The following FTCDNL1 variants were observed in gnomAD, a reference collection of about 807,000 sequenced individuals.
The protein encoded by FTCDNL1 is formiminotransferase N-terminal subdomain-containing protein.
A neutral mutation model predicts 5.9 loss-of-function variants in FTCDNL1; 11 were observed. The ratio of observed to expected loss-of-function variants is 1.87; its 90% confidence interval spans 1.18 to 3.10. The LOEUF is 3.10. FTCDNL1 is among the 30% of genes most tolerant of loss of function. FTCDNL1 has a pLI of 0.00. For missense variants in FTCDNL1, 115 were observed against 65.5 expected (o/e 1.76, Z -2.61); for synonymous variants, 58 against 24.8 (o/e 2.34, Z -3.99).
chr2:199,701,569 C>T, the FTCDNL1 span, among the ~76,000 whole-genome samples: 2 of 152,094 alleles, frequency 1.3e-5, no homozygotes, highest in South Asian at 4.2e-4. Context: ...AGATGTCCAT[C>T]AATGGTGGAC....
the FTCDNL1 span, among the ~76,000 whole-genome samples, chr2:199,715,117 CA>C: frequency 6.6e-6 from 1 of 151,556 alleles, no homozygotes; most frequent in Admixed American, 6.6e-5. Context: ...AATTAAAAAA[CA>C]AAAAAAAGCT....
chr2:199,756,919 C>T (rs1698092583), downstream of FTCDNL1, among the ~76,000 whole-genome samples: 1 of 152,158 alleles, frequency 6.6e-6, no homozygotes. Flanking sequence ...AGCTGGCTCT[C>T]AAAGCTACTG....
chr2:199,797,738 T>C (rs554760746), intron 3 of FTCDNL1, among the ~76,000 whole-genome samples: 1 of 152,328 alleles, frequency 6.6e-6, no homozygotes, highest in African/African-American at 2.4e-5. Flanking sequence ...AGCCTGGAAT[T>C]GTTTGCACAG....
chr2:199,823,859 T>C (rs992077945), intron 3 of FTCDNL1, among the ~76,000 whole-genome samples: 2 of 152,200 alleles, frequency 1.3e-5, no homozygotes, highest in Non-Finnish European at 2.9e-5. Context: ...AGAATCAGCC[T>C]GTTCTTTGAA....
the FTCDNL1 span, among the ~76,000 whole-genome samples, chr2:199,755,395 G>A: frequency 2.0e-5 from 3 of 152,216 alleles, no homozygotes; most frequent in African/African-American, 7.2e-5. Context: ...TTCTTGTGGA[G>A]AAGACATGAA....
downstream of FTCDNL1, among the ~76,000 whole-genome samples, chr2:199,756,636 A>G (rs1698082465): frequency 6.6e-6 from 1 of 152,212 alleles, no homozygotes; most frequent in African/African-American, 2.4e-5. Context: ...TGTAGTCTCA[A>G]TATGTTGATT....
the FTCDNL1 span, among the ~76,000 whole-genome samples, chr2:199,749,539 C>T: frequency 3.7e-5 from 2 of 54,198 alleles, no homozygotes; most frequent in Non-Finnish European, 1.5e-4. Context: ...TCTCCATCTC[C>T]CCCTAAAAAA....
At chr2:199,754,916 C>T in the FTCDNL1 span, among the ~76,000 whole-genome samples, 5 of 152,148 alleles carry the variant, frequency 3.3e-5, no homozygotes, top group African/African-American at 9.7e-5. Context: ...ACACTTTTAG[C>T]GGTAGAAAAT....
intron 3 of FTCDNL1, chr2:199,844,385 G>C: frequency 1.8e-6 from 1 of 559,654 alleles, no homozygotes; most frequent in Non-Finnish European, 3.3e-6. Context: ...CTTACTTCTG[G>C]CCACCACTCC....
At chr2:199,712,208 CA>C in the FTCDNL1 span, among the ~76,000 whole-genome samples, 1 of 152,048 alleles carries the variant, frequency 6.6e-6, no homozygotes, top group Non-Finnish European at 1.5e-5. Context: ...AAATTTTATT[CA>C]AAATTGATTA....
chr2:199,841,587 G>C (rs569099864), intron 3 of FTCDNL1, among the ~76,000 whole-genome samples: 4 of 151,966 alleles, frequency 2.6e-5, no homozygotes, highest in African/African-American at 7.3e-5. Context: ...CATTGTTCAC[G>C]ATGAATCATT....
chr2:199,815,300 TTC>T (rs1701286737), intron 4 of FTCDNL1, among the ~76,000 whole-genome samples: 1 of 152,350 alleles, frequency 6.6e-6, no homozygotes, highest in African/African-American at 2.4e-5. Context: ...TCACTTCTTT[TTC>T]TCTTCTGTTT....
At chr2:199,765,556 A>ATATATATATATATTTTTTT in intron 3 of FTCDNL1, among the ~76,000 whole-genome samples, 2 of 42,664 alleles carry the variant, frequency 4.7e-5, no homozygotes, top group African/African-American at 1.3e-4. Flanking sequence ...ATATATATAT[A>ATATATATATATATTTTTTT]TTTTTTTTTT....
the FTCDNL1 span, among the ~76,000 whole-genome samples, chr2:199,739,622 C>T: frequency 6.6e-6 from 1 of 152,110 alleles, no homozygotes; most frequent in East Asian, 1.9e-4. Context: ...CGAACAGCCT[C>T]AGGGTGACTA....
At chr2:199,813,799 T>C (rs1238093500) in intron 4 of FTCDNL1, among the ~76,000 whole-genome samples, 2 of 151,212 alleles carry the variant, frequency 1.3e-5, no homozygotes, top group Admixed American at 1.3e-4. Context: ...TAGTCCCAGC[T>C]ACTCAGGAGG....
the FTCDNL1 span, among the ~76,000 whole-genome samples, chr2:199,668,875 T>C: frequency 6.6e-6 from 1 of 152,004 alleles, no homozygotes; most frequent in Admixed American, 6.5e-5. Context: ...AAGAATCAGA[T>C]CTGGGCCAGA....
chr2:199,774,747 C>T (rs1252559055), intron 3 of FTCDNL1, among the ~76,000 whole-genome samples: 2 of 152,250 alleles, frequency 1.3e-5, no homozygotes, highest in South Asian at 2.1e-4. Context: ...AAATTATGGC[C>T]TAGAACTGAC....
chr2:199,754,325 G>A, the FTCDNL1 span, among the ~76,000 whole-genome samples: 1 of 152,210 alleles, frequency 6.6e-6, no homozygotes, highest in South Asian at 2.1e-4. Context: ...ATGCCCCAGA[G>A]GGAAGTGGCA....
intron 3 of FTCDNL1, among the ~76,000 whole-genome samples, chr2:199,787,565 G>C (rs2106349361): frequency 6.6e-6 from 1 of 152,232 alleles, no homozygotes; most frequent in Admixed American, 6.5e-5. Context: ...TTTCTGGGGA[G>C]GGACAATATT....
Sources: allele counts gnomAD v4.1 joint callset (sites outside exome capture counted in the v4.1 genomes callset), GRCh38; gene constraint gnomAD v4.1.1; transcripts MANE v1.5; gene names NCBI Gene and HGNC (gene_info 2026-07-23, HGNC 2026-07-21).